Variants in NEBL observed in about 807,000 individuals in gnomAD.
NEBL encodes nebulette.
A neutral mutation model predicts 140.2 loss-of-function variants in NEBL; 122 were observed. The observed-to-expected ratio is 0.87, with a 90% CI of 0.75 to 1.01. NEBL has a LOEUF of 1.01. NEBL is among the 50% of genes least tolerant of loss of function. The pLI, the probability that NEBL is intolerant of heterozygous loss-of-function variation, is 0.00. For synonymous variants in NEBL, 436 were observed against 398.9 expected (o/e 1.09, Z -1.11); for missense variants, 1,365 against 1,231.3 (o/e 1.11, Z -1.62).
At chr10:21,026,981 GGC>G (rs1302518900) in intron 2 of NEBL, among the ~76,000 whole-genome samples, 1 of 152,190 alleles carries the variant, frequency 6.6e-6, no homozygotes, top group Non-Finnish European at 1.5e-5. Context: ...TTCACTGGTT[GGC>G]AGTGTTTGAC....
In NEBL at chr10:21,114,491, AT is replaced by A. The variant is rs200516044; in HGVS notation, c.164+57891del. Among the ~76,000 whole-genome samples the A allele has an allele frequency of 7.4e-3, 1,125 of 152,124 alleles. 16 individuals are homozygous for A. The highest frequency in any genetic ancestry group is 0.025 in the African/African-American group (1,042 of 41,524). On this transcript the variant is annotated intron_variant, in intron 2 of 6. Transcript: ENST00000417816. ...CTGTATTCTTACTGATTTTCTGTCT[AT>A]TTGTTCTACCAATTATCAAGAGTAA...
intron 16 of NEBL, 70 bp from the exon 17 acceptor site, chr10:20,828,704 G>A: frequency 2.0e-6 from 2 of 998,420 alleles, no homozygotes; most frequent in Non-Finnish European, 3.1e-6. Flanking sequence ...GAGGGAGGGA[G>A]GCAGGAAAGG....
At chr10:21,116,221 AAC>A (rs1212795874) in intron 2 of NEBL, among the ~76,000 whole-genome samples, 2 of 152,144 alleles carry the variant, frequency 1.3e-5, no homozygotes, top group Admixed American at 1.3e-4. Context: ...TGGCTTAAAC[AAC>A]AGATATTTAT....
chr10:21,027,575 T>G (rs1290078993), intron 2 of NEBL, among the ~76,000 whole-genome samples: 1 of 152,048 alleles, frequency 6.6e-6, no homozygotes, highest in African/African-American at 2.4e-5. Flanking sequence ...AGTGGTCCAA[T>G]CAATTCAGCC....
At chr10:20,855,740 T>C (rs540310012) in intron 9 of NEBL, among the ~76,000 whole-genome samples, 2 of 152,244 alleles carry the variant, frequency 1.3e-5, no homozygotes, top group East Asian at 3.9e-4. Context: ...AAACTTTAAT[T>C]AGAATGATTT....
At chr10:20,931,756 T>C (rs1032690848) in intron 4 of NEBL, among the ~76,000 whole-genome samples, 4 of 152,170 alleles carry the variant, frequency 2.6e-5, no homozygotes, top group African/African-American at 9.7e-5. Flanking sequence ...AAAACTCTTC[T>C]TCCCCACCCC....
chr10:20,948,579 G>A (rs1835290917), intron 4 of NEBL, among the ~76,000 whole-genome samples: 1 of 152,164 alleles, frequency 6.6e-6, no homozygotes, highest in Non-Finnish European at 1.5e-5. Flanking sequence ...ACAAGTTTTG[G>A]AGAAAATGAG....
intron 4 of NEBL, among the ~76,000 whole-genome samples, chr10:20,917,611 G>GA (rs1187658680): frequency 3.0e-4 from 45 of 152,178 alleles, no homozygotes; most frequent in African/African-American, 1.0e-3. Flanking sequence ...GAAGGGCTAG[G>GA]AAAAATTAAG....
chr10:21,236,000 G>A (rs1842342601), intron 3 of NEBL, among the ~76,000 whole-genome samples: 1 of 152,190 alleles, frequency 6.6e-6, no homozygotes, highest in African/African-American at 2.4e-5. Flanking sequence ...GCCCCTTGTG[G>A]TTGAGAAGGG....
chr10:21,281,184 G>C (rs1842987479), intron 1 of NEBL, among the ~76,000 whole-genome samples: 1 of 152,178 alleles, frequency 6.6e-6, no homozygotes, highest in African/African-American at 2.4e-5. Flanking sequence ...AATCCAGCCT[G>C]AGTGAGTGAA....
intron 22 of NEBL, among the ~76,000 whole-genome samples, chr10:20,814,943 C>G (rs531264700): frequency 6.6e-6 from 1 of 152,298 alleles, no homozygotes; most frequent in South Asian, 2.1e-4. Context: ...GATTCTCAGG[C>G]AAACAGCTAT....
intron 2 of NEBL, among the ~76,000 whole-genome samples, chr10:21,020,740 G>A (rs925028116): frequency 1.3e-5 from 2 of 151,956 alleles, no homozygotes; most frequent in Non-Finnish European, 1.5e-5. Flanking sequence ...TCGTCTCCCC[G>A]GGTTTACACA....
At chr10:21,239,941 G>A (rs970309269) in intron 3 of NEBL, among the ~76,000 whole-genome samples, 4 of 151,962 alleles carry the variant, frequency 2.6e-5, no homozygotes, top group Non-Finnish European at 4.4e-5. Flanking sequence ...GCATGAACCC[G>A]GGAGGCAGAG....
chr10:20,843,444 G>A (rs1248742699), intron 12 of NEBL, among the ~76,000 whole-genome samples: 1 of 151,428 alleles, frequency 6.6e-6, no homozygotes, highest in South Asian at 2.1e-4. Context: ...TCCAAAACAG[G>A]AATAAAAGAA....
At chr10:20,925,686 T>C (rs139986505) in intron 4 of NEBL, among the ~76,000 whole-genome samples, 7 of 148,438 alleles carry the variant, frequency 4.7e-5, no homozygotes, top group South Asian at 2.1e-4. Context: ...TTGAACTCAT[T>C]ATTGGAATTC....
intron 2 of NEBL, among the ~76,000 whole-genome samples, chr10:21,163,420 G>T: frequency 6.6e-6 from 1 of 152,300 alleles, no homozygotes; most frequent in East Asian, 1.9e-4. Context: ...ACGTCTTTCT[G>T]CACTGAGGTA....
chr10:21,193,282 C>A (rs1261613294), intron 3 of NEBL, among the ~76,000 whole-genome samples: 1 of 152,152 alleles, frequency 6.6e-6, no homozygotes, highest in Non-Finnish European at 1.5e-5. Context: ...GAGATCTGAG[C>A]TCACACAGCT....
chr10:21,232,087 G>A (rs74123917), intron 3 of NEBL, among the ~76,000 whole-genome samples: 8,185 of 151,992 alleles, frequency 0.054, 350 homozygotes, highest in African/African-American at 0.11. Context: ...ACTTCCCTAC[G>A]CTTCGAGAAT....
At chr10:21,169,021 C>A (rs1589306500) in intron 2 of NEBL, among the ~76,000 whole-genome samples, 1 of 130,528 alleles carries the variant, frequency 7.7e-6, no homozygotes, top group African/African-American at 2.9e-5. Context: ...TGCACTCCAG[C>A]CTGCGCTACA....
Sources: allele counts gnomAD v4.1 joint callset (sites outside exome capture counted in the v4.1 genomes callset), GRCh38; gene constraint gnomAD v4.1.1; transcripts MANE v1.5; gene names NCBI Gene and HGNC (gene_info 2026-07-23, HGNC 2026-07-21).